Variants in PUF60 observed in about 807,000 individuals in gnomAD.
PUF60 encodes the protein poly(U)-binding-splicing factor PUF60.
In PUF60, 10 loss-of-function variants were observed where a neutral mutation model predicts 61.8. That is an observed-to-expected ratio of 0.16 (90% confidence interval 0.10 to 0.27). The LOEUF (loss-of-function observed/expected upper bound fraction) is 0.27. PUF60 is among the 10% of genes least tolerant of loss of function. The pLI is 1.00. For missense variants in PUF60, 371 were observed against 754.0 expected, an observed-to-expected ratio of 0.49 and a Z score of 5.95; for synonymous variants, 353 against 300.9, an observed-to-expected ratio of 1.17 and a Z score of -1.79.
At position 143,821,836 on chromosome 8, in the gene PUF60, C is replaced by G; in HGVS notation, c.189G>C (p.Gln63His). 3 of 1,610,896 alleles carry G rather than the reference C, an allele frequency of 1.9e-6. No individual in the cohort carries two copies. The highest frequency in any genetic ancestry group is 2.5e-6 in the Non-Finnish European group (3 of 1,179,382). The change falls in exon 3 of 12, where the codon CAG (glutamine) becomes CAC (histidine). Residue 63 changes from glutamine (Q) to histidine (H), a missense_variant. Transcript: ENST00000526683. ...KLGLPPLTPE[Q>H]QEALQKAKKY... ...TGCTCACCTTCTGAAGGGCCTCCTG[C>G]TGCTCGGGCGTCAGGGGAGGCAGCC...
chr8:143,822,605 C>T (rs1817150953), intron 2 of PUF60: 1 of 456,308 alleles, frequency 2.2e-6, no homozygotes, highest in South Asian at 1.5e-5. Context: ...GAGCAGACCC[C>T]ACTGGCACCC....
intron 1 of PUF60, 119 bp downstream of exon 1, chr8:143,829,161 G>C: frequency 8.2e-7 from 1 of 1,219,616 alleles, no homozygotes; most frequent in Non-Finnish European, 1.0e-6. Flanking sequence ...ACACGAGGGA[G>C]TCCGCGCGGG....
At chr8:143,826,775 T>C (rs1690588410) in intron 1 of PUF60, among the ~76,000 whole-genome samples, 1 of 152,070 alleles carries the variant, frequency 6.6e-6, no homozygotes, top group African/African-American at 2.4e-5. Context: ...TCCCAAGGTC[T>C]CAAGGCTTCA....
chr8:143,823,930 C>T (rs539241029), intron 2 of PUF60, among the ~76,000 whole-genome samples: 177 of 152,272 alleles, frequency 1.2e-3, no homozygotes, highest in Non-Finnish European at 1.8e-3. Flanking sequence ...GAAATCTGTC[C>T]TTCTGGCTCC....
chr8:143,827,112 G>A (rs957221418), intron 1 of PUF60: 3 of 322,306 alleles, frequency 9.3e-6, no homozygotes, highest in Admixed American at 4.8e-5. Flanking sequence ...GGAGCCTGGT[G>A]TCAGCTGCCA....
Position 143,817,231 on chromosome 8 carries a change from G to C in PUF60, c.1145-86C>G. On this transcript the variant is annotated intron_variant, in intron 10 of 11. Transcript: ENST00000526683. This position sits in a 1 kb window ranked among gnomAD's most constrained non-coding sequence, Gnocchi z 7.4. ...ACAGAGCTGGCCTGCCCTGGGCTCA[G>C]AGGGTTGTGCCCAGACCACCAGGGC... The C allele has an allele frequency of 6.6e-7, 1 of 1,521,854 alleles. No individual in the cohort carries two copies. The highest frequency in any genetic ancestry group is 2.2e-5 in the Admixed American group (1 of 46,428). The allele number at this position is 1,521,854 out of a possible 1,614,324, so 94.3% of individuals were successfully genotyped here.
intron 11 of PUF60, 39 bp downstream of exon 11, chr8:143,816,871 C>G: frequency 6.3e-7 from 1 of 1,580,380 alleles, no homozygotes; most frequent in South Asian, 1.1e-5. Flanking sequence ...CCCCGCCCCC[C>G]TACCCTCTCC....
chr8:143,821,984 C>A, intron 2 of PUF60, 71 bp from the exon 3 acceptor site: 1 of 1,189,442 alleles, frequency 8.4e-7, no homozygotes, highest in Non-Finnish European at 1.2e-6. Context: ...AGGAGGGCCA[C>A]CCCTAGCACA....
chr8:143,821,562 T>C, intron 4 of PUF60, 35 bp downstream of exon 4: 2 of 1,506,284 alleles, frequency 1.3e-6, no homozygotes. Context: ...GTGGCTGTGG[T>C]GGGGAGGGCG....
intron 2 of PUF60, 47 bp downstream of exon 2, chr8:143,824,266 G>A: frequency 1.4e-6 from 2 of 1,468,832 alleles, no homozygotes; most frequent in Non-Finnish European, 1.8e-6. Flanking sequence ...GGGCGGGCGG[G>A]CGGGCAGGCG....
intron 1 of PUF60, among the ~76,000 whole-genome samples, chr8:143,826,822 A>G (rs1376579250): frequency 1.3e-5 from 2 of 152,312 alleles, no homozygotes; most frequent in African/African-American, 2.4e-5. Flanking sequence ...CCTGTCTCCT[A>G]GGGCTACTGT....
At position 143,828,955 on chromosome 8, in the gene PUF60, G is replaced by T. The variant is rs192304835; in HGVS notation, c.24+325C>A. On this transcript the variant is annotated intron_variant, in intron 1 of 11. Transcript: ENST00000526683. ...CACGGCGCACACCCCCGTCGGCAAA[G>T]GGAGGACGACGACCCCCGCTTGCCG... 12 of 988,686 alleles carry T rather than the reference G, an allele frequency of 1.2e-5. No homozygotes were observed. In the African/African-American group the frequency reaches 2.1e-4, roughly 17 times the overall value. 61.2% of individuals were successfully genotyped at this position (988,686 alleles called of 1,614,324 possible).
intron 1 of PUF60, among the ~76,000 whole-genome samples, chr8:143,827,915 C>T (rs1046627961): frequency 6.6e-6 from 1 of 152,200 alleles, no homozygotes; most frequent in Admixed American, 6.5e-5. Context: ...GGCATCCACT[C>T]TCCTCCTCCA....
intron 11 of PUF60, 42 bp from the exon 12 acceptor site, chr8:143,816,861 C>A: frequency 6.3e-7 from 1 of 1,594,654 alleles, no homozygotes; most frequent in Non-Finnish European, 8.5e-7. Context: ...AGCACTGCGG[C>A]CCCGCCCCCC....
rs184126351 is a variant in PUF60 at position 143,817,829 on chromosome 8, G to A, written c.817+33C>T. The A allele has an allele frequency of 1.4e-4, 233 of 1,608,078 alleles. 1 individual carries two copies. In the East Asian group the frequency reaches 5.0e-3, roughly 34 times the overall value. On this transcript the variant is annotated intron_variant, in intron 8 of 11. Transcript: ENST00000526683. This position sits in a 1 kb window ranked among gnomAD's most constrained non-coding sequence, Gnocchi z 7.4. The stretch of plus-strand genomic sequence containing the variant: ...AGCAGGGCCAGCCCCAGCCTCAGGT[G>A]GCCCCCATCCCGCCTCAGCCACCCC...
Position 143,816,495 on chromosome 8 carries a change from G to T in PUF60, c.*25C>A, listed in dbSNP as rs778132698. 11 of 1,585,930 alleles carry T rather than the reference G, an allele frequency of 6.9e-6. No individual in the cohort carries two copies. Among genetic ancestry groups the T allele is most frequent in the South Asian group, 2.3e-5 (2 of 86,402 alleles). On this transcript the variant is annotated 3_prime_UTR_variant, in exon 12 of 12. Transcript: ENST00000526683. ...AACCCAGAGGAAACAAGGAACAAGT[G>T]CAAGTCCGGGGAGAGGGACCACTGT...
chr8:143,822,631 G>A (rs1817155072), intron 2 of PUF60: 1 of 454,730 alleles, frequency 2.2e-6, no homozygotes. Context: ...AGGTGGGCCT[G>A]GGGACCAAGA....
At chr8:143,821,346 G>A (rs1816993428) in intron 4 of PUF60, 3 of 594,710 alleles carry the variant, frequency 5.0e-6, no homozygotes, top group South Asian at 2.0e-5. Flanking sequence ...AGGGGAAAAG[G>A]GTAGAGCTGC....
At position 143,829,241 on chromosome 8, in the gene PUF60, A is replaced by G. The variant is rs561493441; in HGVS notation, c.24+39T>C. The G allele has an allele frequency of 4.2e-5, 52 of 1,243,356 alleles. No individual in the cohort carries two copies. The African/African-American group carries it at 7.4e-4, about 18-fold the overall frequency. The allele number at this position is 1,243,356 out of a possible 1,614,324, so 77.0% of individuals were successfully genotyped here. A position where few individuals can be genotyped will look rare whatever the true frequency, so the allele number is the denominator to read the frequency against. On this transcript the variant is annotated intron_variant, in intron 1 of 11. Coordinates refer to ENST00000526683, the MANE Select transcript of PUF60 (RefSeq NM_078480.3). Reference sequence around the variant, plus strand: ...GCTGGGTCGACGACCCGGCCCCGCAAGCCGAGGGCCGCCCGCGCTCATGGG... The same window carrying G: ...GCTGGGTCGACGACCCGGCCCCGCAGGCCGAGGGCCGCCCGCGCTCATGGG...
Sources: gnomAD v4.1 joint callset for allele counts (sites outside exome capture counted in the v4.1 genomes callset) on GRCh38, gnomAD v4.1.1 for gene constraint, Gnocchi (gnomAD v3.1) non-coding constraint, MANE v1.5 for transcripts, NCBI Gene and HGNC (gene_info 2026-07-23, HGNC 2026-07-21) for gene names.